DRAP1: variants seen among roughly 807,000 people sequenced by gnomAD.
DRAP1 encodes DR1 associated protein 1.
Under a neutral mutation model 24.1 loss-of-function variants are expected in DRAP1, and 10 were observed. The ratio of observed to expected loss-of-function variants is 0.41; its 90% confidence interval spans 0.26 to 0.70. The LOEUF is 0.70. Among genes scored for constraint, DRAP1 ranks in the 30% least tolerant of loss-of-function variants. The pLI, the probability that DRAP1 is intolerant of heterozygous loss-of-function variation, is 0.29. For missense variants in DRAP1, 264 were observed against 275.6 expected (o/e 0.96, Z 0.30); for synonymous variants, 122 against 113.8 (o/e 1.07, Z -0.46).
rs748892405 is a variant in DRAP1, at chr11:65,921,013, C to T, written c.512+41C>T. ...GCATGGGAGGGTGCTGGCAGACTCC[C>T]CAGAGCCAACTTACCCCTCTTGTTC... On this transcript the variant is annotated intron_variant, in intron 6 of 6. Coordinates refer to ENST00000312515, the MANE Select transcript of DRAP1 (RefSeq NM_006442.4). 5.4e-6 allele frequency: 8 copies of T among 1,480,064 alleles called. No homozygotes were observed. In the Admixed American group the frequency reaches 1.7e-4, roughly 31 times the overall value. The allele number at this position is 1,480,064 out of a possible 1,614,324, so 91.7% of individuals were successfully genotyped here.
rs775795207 is a variant in DRAP1, at chr11:65,921,375, C to G, written c.558C>G (p.Pro186=). The change falls in exon 7 of 7, where the codon CCC becomes CCG. Residue 186 remains proline (P), a synonymous_variant. Coordinates refer to ENST00000312515, the MANE Select transcript of DRAP1 (RefSeq NM_006442.4). ...CCTTCGCCTCTACTCTGCCTTTGCC[C>G]CCAGCGCCCCCGGGCCCCTCAGCAC... ...FLPFASTLPL[P]PAPPGPSAPD... is the part of the protein sequence containing the mutation. The G allele has an allele frequency of 1.2e-6, 2 of 1,611,694 alleles. No homozygotes were observed. The highest frequency in any genetic ancestry group is 1.7e-6 in the Non-Finnish European group (2 of 1,177,972).
chr11:65,920,234 G>T, intron 3 of DRAP1, 109 bp from the exon 4 acceptor site: 1 of 1,544,162 alleles, frequency 6.5e-7, no homozygotes, highest in Non-Finnish European at 8.8e-7. Context: ...CCCGGGAGCG[G>T]AGATCGGCCC....
intron 1 of DRAP1, 109 bp downstream of exon 1, chr11:65,919,652 C>G: frequency 6.6e-7 from 1 of 1,520,360 alleles, no homozygotes; most frequent in Non-Finnish European, 8.9e-7. Context: ...CCTGGACGCC[C>G]CGCCCCCTCC....
At position 65,920,104 on chromosome 11, in the gene DRAP1, A is replaced by G. The variant is rs528279547; in HGVS notation, c.209+63A>G. ...GCGCGGGGAGTTCACACACTGAGGA[A>G]GGCAGAGCCTGGGTGGCGAGGGAGG... is the stretch of plus-strand genomic sequence containing the variant. On this transcript the variant is annotated intron_variant, in intron 3 of 6. Transcript: ENST00000312515. 664 of 1,574,028 alleles carry G rather than the reference A, an allele frequency of 4.2e-4. 3 individuals are homozygous for G. The African/African-American group carries it at 8.1e-3, about 19-fold the overall frequency.
intron 4 of DRAP1, 36 bp from the exon 5 acceptor site, chr11:65,920,533 G>C (rs745904066): frequency 3.2e-5 from 52 of 1,609,090 alleles, no homozygotes; most frequent in Non-Finnish European, 4.3e-5. Flanking sequence ...AAGGAGTAGG[G>C]AGCACTCCGG....
rs898551088 is a variant in DRAP1, at chr11:65,921,043, T to C, written c.512+71T>C. 14 of 1,192,558 alleles carry C rather than the reference T, an allele frequency of 1.2e-5. No individual in the cohort carries two copies. The Admixed American group carries it at 1.3e-4, about 11-fold the overall frequency. 73.9% of individuals were successfully genotyped at this position (1,192,558 alleles called of 1,614,324 possible). On this transcript the variant is annotated intron_variant, in intron 6 of 6. Transcript: ENST00000312515. ...GCCAACTTACCCCTCTTGTTCTCCC[T>C]GGCCCCTTGGTCTTGTTGATTGTGG... is the stretch of plus-strand genomic sequence containing the variant.
rs1172273425 is a variant in DRAP1 at position 65,919,846 on chromosome 11, A to G, written c.109A>G (p.Ile37Val). The G allele has an allele frequency of 1.9e-6, 3 of 1,612,976 alleles. No individual in the cohort carries two copies. The highest frequency in any genetic ancestry group is 1.3e-5 in the African/African-American group (1 of 74,944). Reference sequence around the variant, plus strand: ...GAAGGTGGCGGCGGCGGTGCCTGTCATCATCTGTATCCTGCCGGGGGCGGA... The same window carrying G: ...GAAGGTGGCGGCGGCGGTGCCTGTCGTCATCTGTATCCTGCCGGGGGCGGA... ...IGKVAAAVPV[I>V]ISRALELFLE... Residue 37 changes from isoleucine to valine, a missense_variant, in exon 2 of 7, where the codon ATC becomes GTC. Ile to Val is a conservative substitution (Grantham distance 29). Around this residue, in one of 2 missense-constraint regions of DRAP1, gnomAD observed 243 missense variants for 233.6 expected, o/e 1.04. Transcript: ENST00000312515.
At position 65,921,166 on chromosome 11, in the gene DRAP1, T is replaced by G. The variant is rs956878062; in HGVS notation, c.513-164T>G. ...GCTCCACCCTGCCAGGGCCCGTGGG[T>G]GGGGCCTGGGCCTGCCCTGCGTGAG... On this transcript the variant is annotated intron_variant, in intron 6 of 6. Coordinates refer to ENST00000312515, the MANE Select transcript of DRAP1 (RefSeq NM_006442.4). 7.4e-6 allele frequency: 5 copies of G among 674,918 alleles called. No individual in the cohort carries two copies. In the Admixed American group the frequency reaches 1.5e-4, roughly 20 times the overall value. The allele number at this position is 674,918 out of a possible 1,614,324, so 41.8% of individuals were successfully genotyped here.
In DRAP1 at chr11:65,921,315, C is replaced by A; in HGVS notation, c.513-15C>A. 6.5e-7 allele frequency: 1 copy of A among 1,541,208 alleles called. No homozygotes were observed. On this transcript the variant is annotated splice_polypyrimidine_tract_variant and intron_variant, in intron 6 of 6. Coordinates refer to ENST00000312515, the MANE Select transcript of DRAP1 (RefSeq NM_006442.4). ...GGGGCTCAGGCCTGACTCTCTCCTG[C>A]CTTCTGCCCTGCAGCCCCCCGACAC...
In DRAP1 at chr11:65,920,921, A is replaced by G. The variant is rs762216373; in HGVS notation, c.461A>G (p.Glu154Gly). 1 of 1,613,484 alleles carries G rather than the reference A, an allele frequency of 6.2e-7. No homozygotes were observed. The highest frequency in any genetic ancestry group is 1.3e-5 in the African/African-American group (1 of 75,002). The change falls in exon 6 of 7, where the codon GAG becomes GGG. Residue 154 changes from glutamate (E) to glycine (G), a missense_variant. By Grantham distance (98) the Glu-to-Gly change is moderately conservative. Transcript: ENST00000312515. ...GACACAGATACTGATGGGGAAGAGGAGACATCACAACCCCCACCCCAGGCC... is the reference window on the plus strand; with the variant it reads ...GACACAGATACTGATGGGGAAGAGGGGACATCACAACCCCCACCCCAGGCC... ...SEDTDTDGEE[E>G]TSQPPPQASH...
chr11:65,920,717 G>T, intron 5 of DRAP1, 55 bp downstream of exon 5: 1 of 1,457,566 alleles, frequency 6.9e-7, no homozygotes. Context: ...AGGCAGCCTC[G>T]CCCCAGGCTG....
chr11:65,920,254 C>T, intron 3 of DRAP1, 89 bp from the exon 4 acceptor site: 1 of 1,582,234 alleles, frequency 6.3e-7, no homozygotes, highest in Non-Finnish European at 8.6e-7. Context: ...CGGGCTCCAG[C>T]CTGACATCTG....
rs1211953470 is a variant in DRAP1 at position 65,920,714 on chromosome 11, C to G, written c.423+52C>G. On this transcript the variant is annotated intron_variant, in intron 5 of 6. Coordinates refer to ENST00000312515, the MANE Select transcript of DRAP1 (RefSeq NM_006442.4). ...TGCCCTTGGTGATGGGACAGGCAGC[C>G]TCGCCCCAGGCTGAACTGGCAGGAG... The G allele has an allele frequency of 5.5e-6, 8 of 1,458,738 alleles. No individual in the cohort carries two copies. In the African/African-American group the frequency reaches 8.6e-5, roughly 16 times the overall value. 90.4% of individuals were successfully genotyped at this position (1,458,738 alleles called of 1,614,324 possible).
At chr11:65,920,133 G>A (rs1299125114) in intron 3 of DRAP1, 92 bp downstream of exon 3, 1 of 1,509,948 alleles carries the variant, frequency 6.6e-7, no homozygotes, top group African/African-American at 1.4e-5. Flanking sequence ...AGGGAGGTGG[G>A]CGGCAGCCGG....
Position 65,920,982 on chromosome 11 carries a change from C to G in DRAP1, c.512+10C>G. On this transcript the variant is annotated intron_variant, in intron 6 of 6. Transcript: ENST00000312515. ...CTGCCCACTTTCAGAGGTGAGCAGC[C>G]CAGAGGCATGGGAGGGTGCTGGCAG... The G allele has an allele frequency of 6.3e-7, 1 of 1,596,620 alleles. No individual in the cohort carries two copies. The highest frequency in any genetic ancestry group is 8.5e-7 in the Non-Finnish European group (1 of 1,171,232).
chr11:65,921,358 T>A lies in DRAP1; in HGVS notation c.541T>A (p.Ser181Thr). ...SPPTPFLPFA[S>T]TLPLPPAPPG... ...CCCGACACCCTTCCTGCCCTTCGCC[T>A]CTACTCTGCCTTTGCCCCCAGCGCC... is the stretch of plus-strand genomic sequence containing the variant. The change falls in exon 7 of 7, where the codon TCT becomes ACT. Residue 181 changes from serine (S) to threonine (T), a missense_variant. Around this residue, in one of 2 missense-constraint regions of DRAP1, gnomAD observed 243 missense variants for 233.6 expected, o/e 1.04. Coordinates refer to ENST00000312515, the MANE Select transcript of DRAP1 (RefSeq NM_006442.4). The A allele has an allele frequency of 6.2e-7, 1 of 1,610,244 alleles. No individual in the cohort carries two copies. The highest frequency in any genetic ancestry group is 8.5e-7 in the Non-Finnish European group (1 of 1,176,804).
intron 5 of DRAP1, 109 bp from the exon 6 acceptor site, chr11:65,920,775 A>G (rs1854540618): frequency 2.7e-5 from 39 of 1,459,294 alleles, no homozygotes; most frequent in Non-Finnish European, 3.6e-5. Flanking sequence ...CTGTTTGCTC[A>G]CTGGTTTATT....
In DRAP1 at chr11:65,919,995, C is replaced by G; in HGVS notation, c.163C>G (p.Gln55Glu). 6.2e-7 allele frequency: 1 copy of G among 1,613,826 alleles called. No homozygotes were observed. The highest frequency in any genetic ancestry group is 1.1e-5 in the South Asian group (1 of 91,088). ...AGAGTCGCTGTTGAAGAAGGCCTGC[C>G]AGGTGACCCAGTCGCGGAACGCGAA... ...FLESLLKKAC[Q>E]VTQSRNAKTM... Residue 55 changes from glutamine (Q) to glutamate (E), a missense_variant, in exon 3 of 7, where the codon CAG becomes GAG. Gln to Glu is a conservative substitution (Grantham distance 29). Around this residue, in one of 2 missense-constraint regions of DRAP1, gnomAD observed 243 missense variants for 233.6 expected, o/e 1.04. Transcript: ENST00000312515.
intron 1 of DRAP1, 30 bp downstream of exon 1, chr11:65,919,573 G>C (rs1854520839): frequency 6.5e-7 from 1 of 1,548,342 alleles, no homozygotes; most frequent in Non-Finnish European, 8.7e-7. Flanking sequence ...CGGCAGGAGT[G>C]GGCCCGGCTC....
Sources: gnomAD v4.1 joint callset for allele counts on GRCh38, gnomAD v4.1.1 for gene constraint, gnomAD v4.1.1 regional missense constraint, MANE v1.5 for transcripts, NCBI Gene and HGNC (gene_info 2026-07-23, HGNC 2026-07-21) for gene names.